PDE1C: variants seen among roughly 807,000 people sequenced by gnomAD.
The protein encoded by PDE1C is dual specificity calcium/calmodulin-dependent 3',5'-cyclic nucleotide phosphodiesterase 1C.
In PDE1C, 62 loss-of-function variants were observed where a neutral mutation model predicts 93.1. The observed-to-expected ratio is 0.67, with a 90% CI of 0.54 to 0.82. The LOEUF (loss-of-function observed/expected upper bound fraction) is 0.82. PDE1C is among the 40% of genes least tolerant of loss of function. The pLI is 0.00. For missense variants in PDE1C, 742 were observed against 884.6 expected (o/e 0.84, Z 2.04); for synonymous variants, 325 against 310.1 (o/e 1.05, Z -0.50).
chr7:32,342,807 G>T (rs554284451), intron 1 of PDE1C, among the ~76,000 whole-genome samples: 6 of 152,268 alleles, frequency 3.9e-5, no homozygotes, highest in Admixed American at 2.6e-4. Context: ...TAACAAACAT[G>T]CAGTATTTTC....
intron 2 of PDE1C, among the ~76,000 whole-genome samples, chr7:31,951,991 A>C (rs928487428): frequency 2.6e-5 from 4 of 152,214 alleles, no homozygotes; most frequent in African/African-American, 9.7e-5. Flanking sequence ...GTGAGTGCTT[A>C]CTATGTACCA....
At position 32,291,832 on chromosome 7, in the gene PDE1C, C is replaced by T. The variant is rs551390514; in HGVS notation, c.85+6819G>A. Reference sequence around the variant, plus strand: ...CACCTCTTCCGGGAGGGGCAGGAATCGCAGAGATTTCCTTACTTAACCAGT... The same window carrying T: ...CACCTCTTCCGGGAGGGGCAGGAATTGCAGAGATTTCCTTACTTAACCAGT... On this transcript the variant is annotated intron_variant, in intron 1 of 18. Transcript: ENST00000396193. 7.2e-5 allele frequency among the ~76,000 whole-genome samples: 11 copies of T among 152,266 alleles called. No homozygotes were observed. The East Asian group carries it at 7.7e-4, about 11-fold the overall frequency.
intron 3 of PDE1C, among the ~76,000 whole-genome samples, chr7:32,109,518 G>A (rs989976421): frequency 6.6e-6 from 1 of 152,132 alleles, no homozygotes; most frequent in Non-Finnish European, 1.5e-5. Flanking sequence ...TGCATTGTAG[G>A]ATGTTTAGCC....
At chr7:32,178,650 C>G (rs1803166911) in intron 2 of PDE1C, among the ~76,000 whole-genome samples, 1 of 152,124 alleles carries the variant, frequency 6.6e-6, no homozygotes, top group Non-Finnish European at 1.5e-5. Context: ...ATCTCATCAG[C>G]TTCTCCTCAC....
intron 3 of PDE1C, among the ~76,000 whole-genome samples, chr7:32,113,544 A>G (rs1798805718): frequency 6.6e-6 from 1 of 151,592 alleles, no homozygotes; most frequent in Admixed American, 6.6e-5. Context: ...TTACCTTTTA[A>G]CATCAATTTA....
intron 2 of PDE1C, among the ~76,000 whole-genome samples, chr7:32,204,312 T>C (rs1562575189): frequency 1.3e-5 from 2 of 152,172 alleles, no homozygotes; most frequent in African/African-American, 4.8e-5. Flanking sequence ...TAGCCACAAG[T>C]AACAAAACTG....
At chr7:32,311,773 C>T (rs1301588109) in intron 1 of PDE1C, among the ~76,000 whole-genome samples, 2 of 152,086 alleles carry the variant, frequency 1.3e-5, no homozygotes, top group Non-Finnish European at 2.9e-5. Context: ...TAAGAGCTAT[C>T]TATGATAAAC....
At chr7:32,249,349 G>GA (rs1482264029) in intron 1 of PDE1C, among the ~76,000 whole-genome samples, 2 of 151,864 alleles carry the variant, frequency 1.3e-5, no homozygotes, top group Non-Finnish European at 2.9e-5. Flanking sequence ...AACGCAAGCA[G>GA]AAGCATGCAT....
At chr7:31,696,507 T>C in the PDE1C span, among the ~76,000 whole-genome samples, 3 of 152,164 alleles carry the variant, frequency 2.0e-5, no homozygotes, top group African/African-American at 7.2e-5. Flanking sequence ...CACTGTAGCA[T>C]AGAGGTGAGA....
intron 3 of PDE1C, among the ~76,000 whole-genome samples, chr7:32,160,669 C>T (rs1801860399): frequency 6.6e-6 from 1 of 152,034 alleles, no homozygotes; most frequent in African/African-American, 2.4e-5. Context: ...TGGTGAAACC[C>T]CATCTCTACT....
the PDE1C span, among the ~76,000 whole-genome samples, chr7:31,736,296 C>G: frequency 1.1e-4 from 16 of 152,174 alleles, no homozygotes; most frequent in Non-Finnish European, 2.4e-4. Flanking sequence ...GAAAAACTGG[C>G]TGTGGGCTTG....
intron 3 of PDE1C, among the ~76,000 whole-genome samples, chr7:32,142,059 T>G (rs1800566392): frequency 1.3e-5 from 2 of 151,956 alleles, no homozygotes; most frequent in South Asian, 4.2e-4. Context: ...TGCAGTTGGG[T>G]TTTGAGTGGG....
At chr7:31,995,276 GC>G (rs1784580371) in intron 2 of PDE1C, among the ~76,000 whole-genome samples, 1 of 152,140 alleles carries the variant, frequency 6.6e-6, no homozygotes, top group Non-Finnish European at 1.5e-5. Context: ...GAGAGCCACT[GC>G]AGCCCCTCTT....
chr7:32,418,969 T>C lies in PDE1C; in HGVS notation c.310+8853A>G, dbSNP rs528854072. Among the ~76,000 whole-genome samples, 7 of 152,284 alleles carry C rather than the reference T, an allele frequency of 4.6e-5. No homozygotes were observed. The East Asian group carries it at 1.4e-3, about 29-fold the overall frequency. ...TGATCTAATGGCTTCTTTTTTCCCA[T>C]TTTGTCTTCAGTTTTACTGAGGTCT... On this transcript the variant is annotated intron_variant, in intron 1 of 1. Coordinates refer to the PDE1C transcript ENST00000672256.
intron 2 of PDE1C, among the ~76,000 whole-genome samples, chr7:31,943,030 C>T (rs189385037): frequency 2.0e-3 from 307 of 152,190 alleles, no homozygotes; most frequent in African/African-American, 7.0e-3. Flanking sequence ...TGAGCCCAGC[C>T]CAGGACCCCA....
At chr7:32,006,443 A>G (rs1001533602) in intron 2 of PDE1C, among the ~76,000 whole-genome samples, 10 of 152,230 alleles carry the variant, frequency 6.6e-5, no homozygotes, top group African/African-American at 2.4e-4. Context: ...ATGTTTCTAC[A>G]GTGGTGAATG....
intron 1 of PDE1C, among the ~76,000 whole-genome samples, chr7:32,260,631 G>A (rs924701171): frequency 2.0e-5 from 3 of 152,174 alleles, no homozygotes; most frequent in Non-Finnish European, 4.4e-5. Flanking sequence ...AAAGAAATCA[G>A]AACTAACCAA....
chr7:32,361,964 T>A (rs563587553), intron 1 of PDE1C, among the ~76,000 whole-genome samples: 27 of 152,360 alleles, frequency 1.8e-4, no homozygotes, highest in African/African-American at 6.5e-4. Flanking sequence ...TGCCAGAGGC[T>A]GGAGCTGCAA....
chr7:32,091,082 GT>G (rs747370081), intron 3 of PDE1C, among the ~76,000 whole-genome samples: 2 of 152,188 alleles, frequency 1.3e-5, no homozygotes, highest in Non-Finnish European at 2.9e-5. Flanking sequence ...AGCAAGGACT[GT>G]GCCTTTCATA....
Sources: gnomAD v4.1 joint callset for allele counts (sites outside exome capture counted in the v4.1 genomes callset) on GRCh38, gnomAD v4.1.1 for gene constraint, MANE v1.5 for transcripts, NCBI Gene and HGNC (gene_info 2026-07-23, HGNC 2026-07-21) for gene names.